Variants in MRPS30 observed in about 807,000 individuals in gnomAD.
MRPS30 encodes the protein large ribosomal subunit protein mL65.
A neutral mutation model predicts 43.8 loss-of-function variants in MRPS30; 42 were observed. The ratio of observed to expected loss-of-function variants is 0.96; its 90% CI spans 0.75 to 1.24. MRPS30 has a LOEUF of 1.24. Among genes scored for constraint, MRPS30 ranks in the 50% most tolerant of loss-of-function variants. The probability of loss-of-function intolerance (pLI) is 0.00; values close to 1 mark genes in which losing one functional copy is unlikely to be tolerated. For missense variants in MRPS30, 638 were observed against 570.0 expected, an observed-to-expected ratio of 1.12 and a Z score of -1.22; for synonymous variants, 273 against 228.2, an observed-to-expected ratio of 1.20 and a Z score of -1.77.
At chr5:44,810,444 A>G (rs1742820327) in intron 1 of MRPS30, among the ~76,000 whole-genome samples, 1 of 152,234 alleles carries the variant, frequency 6.6e-6, no homozygotes, top group Non-Finnish European at 1.5e-5. Context: ...TATATCTTCT[A>G]CCAAGTGTAT....
In MRPS30 at chr5:44,809,676, C is replaced by T. The variant is rs572985922; in HGVS notation, c.601+113C>T. The T allele has an allele frequency of 5.2e-4, 641 of 1,231,440 alleles. 1 individual carries two copies. Among genetic ancestry groups the T allele is most frequent in the Non-Finnish European group, 6.9e-4 (614 of 894,832 alleles). The allele number at this position is 1,231,440 out of a possible 1,614,324, so 76.3% of individuals were successfully genotyped here. A position where few individuals can be genotyped will look rare whatever the true frequency, so the allele number is the denominator to read the frequency against. ...TTTCTCTCTGCTTCGTTCATGTTTT[C>T]CTAGTCCTTTCGTTCCTATCTGGGG... On this transcript the variant is annotated intron_variant, in intron 1 of 4. Transcript: ENST00000507110.
At chr5:44,812,246 T>C (rs1322051357) in intron 3 of MRPS30, among the ~76,000 whole-genome samples, 2 of 152,176 alleles carry the variant, frequency 1.3e-5, no homozygotes, top group South Asian at 2.1e-4. Flanking sequence ...AAAATAGAAG[T>C]ATTTAACTTT....
rs751131388 is a variant in MRPS30, at chr5:44,811,149, G to T, written c.742G>T (p.Ala248Ser). 9 of 1,613,676 alleles carry T rather than the reference G, an allele frequency of 5.6e-6. 1 individual carries two copies. The Middle Eastern group carries it at 4.9e-4, about 88-fold the overall frequency. The stretch of plus-strand genomic sequence containing the variant: ...CCAGATTCGAATATCCAAGCAACTC[G>T]CAGAGGTAAGGATTTATTGCGATTA... ...NNQIRISKQL[A>S]EFVPLDYSVP... Residue 248 changes from alanine (A) to serine (S), a missense_variant, in exon 2 of 5, where the codon GCA (alanine) becomes TCA (serine). Ala to Ser is a moderately conservative substitution (Grantham distance 99, BLOSUM62 1). Transcript: ENST00000507110.
At position 44,815,418 on chromosome 5, in the gene MRPS30, A is replaced by G. The variant is rs1322530677; in HGVS notation, c.*216A>G. On this transcript the variant is annotated 3_prime_UTR_variant, in exon 5 of 5. Transcript: ENST00000507110. ...TTGATTTAAAAATAATTGCATTTGTATATTGCTAACTGATAAGACAAATTG... is the reference window on the plus strand; with the variant it reads ...TTGATTTAAAAATAATTGCATTTGTGTATTGCTAACTGATAAGACAAATTG... The G allele has an allele frequency of 8.9e-6, 4 of 449,454 alleles. No homozygotes were observed. Among genetic ancestry groups the G allele is most frequent in the Non-Finnish European group, 1.6e-5 (4 of 257,312 alleles). 27.8% of individuals were successfully genotyped at this position (449,454 alleles called of 1,614,324 possible).
intron 1 of MRPS30, among the ~76,000 whole-genome samples, chr5:44,810,432 T>C (rs1248068352): frequency 6.6e-6 from 1 of 152,216 alleles, no homozygotes. Context: ...CATTCATTAT[T>C]TTATATCTTC....
rs773178239 is a variant in MRPS30, at chr5:44,809,456, G to A, written c.494G>A (p.Arg165His). 10 of 1,613,892 alleles carry A rather than the reference G, an allele frequency of 6.2e-6. No individual in the cohort carries two copies. The highest frequency in any genetic ancestry group is 8.5e-6 in the Non-Finnish European group (10 of 1,180,008). ...FYLRRRRRVH[R>H]YEESEVISLP... ...CTGCGGCGCAGGCGGCGCGTGCACC[G>A]TTACGAGGAGAGCGAGGTCATATCT... is the stretch of plus-strand genomic sequence containing the variant. The change falls in exon 1 of 5, where the codon CGT becomes CAT. Residue 165 changes from arginine to histidine, a missense_variant. Coordinates refer to ENST00000507110, the MANE Select transcript of MRPS30 (RefSeq NM_016640.4).
intron 3 of MRPS30, 85 bp downstream of exon 3, chr5:44,812,105 T>G: frequency 1.1e-6 from 1 of 926,990 alleles, no homozygotes; most frequent in Admixed American, 2.6e-5. Flanking sequence ...AATGAGGAAT[T>G]AATTCTCGAA....
intron 1 of MRPS30, chr5:44,809,768 A>G (rs959027802): frequency 1.8e-6 from 1 of 565,028 alleles, no homozygotes; most frequent in African/African-American, 1.9e-5. Flanking sequence ...CTGCGCTAAC[A>G]CCTACCAGCT....
At position 44,809,309 on chromosome 5, in the gene MRPS30, C is replaced by G; in HGVS notation, c.347C>G (p.Ser116Trp). Reference protein sequence around the residue: ...YQYFTKTVFLSGLPPPPAEPE... With the variant: ...YQYFTKTVFLWGLPPPPAEPE... ...TACTTCACCAAGACCGTGTTCCTGT[C>G]GGGTCTGCCGCCGCCCCCAGCGGAG... is the stretch of plus-strand genomic sequence containing the variant. Residue 116 changes from serine to tryptophan, a missense_variant, in exon 1 of 5, where the codon TCG becomes TGG. Transcript: ENST00000507110. 6.2e-7 allele frequency: 1 copy of G among 1,612,576 alleles called. No homozygotes were observed. The highest frequency in any genetic ancestry group is 8.5e-7 in the Non-Finnish European group (1 of 1,179,584).
intron 4 of MRPS30, 72 bp from the exon 5 acceptor site, chr5:44,814,841 T>C (rs1742893084): frequency 1.5e-6 from 2 of 1,376,534 alleles, no homozygotes; most frequent in Middle Eastern, 1.9e-4. Context: ...TACCCTCTAA[T>C]GTCTAATGTG....
At chr5:44,813,382 CTT>C in intron 4 of MRPS30, 100 bp downstream of exon 4, 1 of 1,060,098 alleles carries the variant, frequency 9.4e-7, no homozygotes, top group Non-Finnish European at 1.3e-6. Flanking sequence ...TAGGTTGAAT[CTT>C]AACATTTTTA....
chr5:44,811,647 G>GT (rs1471206900), intron 2 of MRPS30, among the ~76,000 whole-genome samples: 1 of 152,196 alleles, frequency 6.6e-6, no homozygotes, highest in African/African-American at 2.4e-5. Flanking sequence ...TGTACAGGCC[G>GT]TAAGTCTCTG....
chr5:44,809,151 C>G lies in MRPS30; in HGVS notation c.189C>G (p.Ile63Met). 6.2e-7 allele frequency: 1 copy of G among 1,611,752 alleles called. No homozygotes were observed. The highest frequency in any genetic ancestry group is 2.2e-5 in the East Asian group (1 of 44,814). ...ADSKAARLRR[I>M]ERWQATVHAA... ...GCAAAGCTGCACGGCTGCGGCGGAT[C>G]GAGCGCTGGCAGGCGACGGTGCACG... The change falls in exon 1 of 5, where the codon ATC becomes ATG. Residue 63 changes from isoleucine to methionine, a missense_variant. Coordinates refer to ENST00000507110, the MANE Select transcript of MRPS30 (RefSeq NM_016640.4).
chr5:44,809,311 G>A lies in MRPS30; in HGVS notation c.349G>A (p.Gly117Ser), dbSNP rs774791407. The change falls in exon 1 of 5, where the codon GGT becomes AGT. Residue 117 changes from glycine (G) to serine (S), a missense_variant. By Grantham distance (56) the Gly-to-Ser change is moderately conservative. Transcript: ENST00000507110. Reference sequence around the variant, plus strand: ...CTTCACCAAGACCGTGTTCCTGTCGGGTCTGCCGCCGCCCCCAGCGGAGCC... The same window carrying A: ...CTTCACCAAGACCGTGTTCCTGTCGAGTCTGCCGCCGCCCCCAGCGGAGCC... ...QYFTKTVFLS[G>S]LPPPPAEPEP... The A allele has an allele frequency of 7.4e-6, 12 of 1,612,470 alleles. No individual in the cohort carries two copies. Among genetic ancestry groups the A allele is most frequent in the Non-Finnish European group, 9.3e-6 (11 of 1,179,596 alleles).
In MRPS30 at chr5:44,815,311, A is replaced by G. The variant is rs955255481; in HGVS notation, c.*109A>G. ...TTAAATACATTGATTTTTGAGACAA[A>G]TATTTCTTATGTCAACCTGTTATTA... On this transcript the variant is annotated 3_prime_UTR_variant, in exon 5 of 5. Transcript: ENST00000507110. The G allele has an allele frequency of 1.0e-6, 1 of 994,618 alleles. No homozygotes were observed. The highest frequency in any genetic ancestry group is 1.8e-5 in the South Asian group (1 of 54,880). The allele number at this position is 994,618 out of a possible 1,614,324, so 61.6% of individuals were successfully genotyped here. A position where few individuals can be genotyped will look rare whatever the true frequency, so the allele number is the denominator to read the frequency against.
chr5:44,809,013 A>G lies in MRPS30; in HGVS notation c.51A>G (p.Ser17=). 6.2e-7 allele frequency: 1 copy of G among 1,610,074 alleles called. No homozygotes were observed. Among genetic ancestry groups the G allele is most frequent in the Non-Finnish European group, 8.5e-7 (1 of 1,178,854 alleles). Residue 17 remains serine (S), a synonymous_variant, in exon 1 of 5, where the codon TCA becomes TCG. Transcript: ENST00000507110. ...WRPLLRGPRL[S]LHTAANAAAT... Reference sequence around the variant, plus strand: ...CTTTGCTACGCGGTCCGAGGCTTTCATTGCACACCGCGGCTAATGCCGCCG... The same window carrying G: ...CTTTGCTACGCGGTCCGAGGCTTTCGTTGCACACCGCGGCTAATGCCGCCG...
At chr5:44,814,096 A>G (rs951102792) in intron 4 of MRPS30, among the ~76,000 whole-genome samples, 1 of 152,164 alleles carries the variant, frequency 6.6e-6, no homozygotes, top group Non-Finnish European at 1.5e-5. Context: ...TAGGAACAAC[A>G]TGAAGGGTAA....
intron 4 of MRPS30, chr5:44,813,572 T>C (rs1352818030): frequency 4.8e-6 from 1 of 207,428 alleles, no homozygotes. Flanking sequence ...TTCTAGATAA[T>C]AGCTTTCTGC....
intron 2 of MRPS30, 22 bp downstream of exon 2, chr5:44,811,176 G>C: frequency 6.2e-7 from 1 of 1,611,386 alleles, no homozygotes; most frequent in Non-Finnish European, 8.5e-7. Context: ...TTGCGATTAT[G>C]TATCTATTGA....
Sources: allele counts gnomAD v4.1 joint callset (sites outside exome capture counted in the v4.1 genomes callset), GRCh38; gene constraint gnomAD v4.1.1; transcripts MANE v1.5; gene names NCBI Gene and HGNC (gene_info 2026-07-23, HGNC 2026-07-21).